SLCO2A1: variants seen among roughly 807,000 people sequenced by gnomAD.
The protein encoded by SLCO2A1 is solute carrier organic anion transporter family member 2A1, also known as matrin F/G 1.
SLCO2A1 carries 60 observed loss-of-function variants against 71.7 expected under a neutral mutation model. The observed-to-expected ratio is 0.84, with a 90% confidence interval of 0.68 to 1.04. The LOEUF is 1.04. SLCO2A1 is among the 50% of genes least tolerant of loss of function. The probability of loss-of-function intolerance (pLI) is 0.00; values close to 1 mark genes in which losing one functional copy is unlikely to be tolerated. For synonymous variants in SLCO2A1, 308 were observed against 326.7 expected (o/e 0.94, Z 0.62); for missense variants, 745 against 813.4 (o/e 0.92, Z 1.02).
Position 133,935,795 on chromosome 3 carries a change from T to TCATAGTAGGCA in SLCO2A1, c.1792_1793insTGCCTACTATG (p.Asp598ValfsTer35), listed in dbSNP as rs750162590. The TCATAGTAGGCA allele has an allele frequency of 6.2e-7, 1 of 1,607,334 alleles. No homozygotes were observed. The highest frequency in any genetic ancestry group is 2.2e-5 in the East Asian group (1 of 44,778). ...TCACCTGTCTCGGAGAGCATCGTTG[T>TCATAGTAGGCA]CATAGTAGGCGCAGGCCCCTCGCCT... On this transcript the variant is annotated frameshift_variant, in exon 13 of 14. Transcript: ENST00000310926. LOFTEE classifies it high-confidence loss of function.
In SLCO2A1 at chr3:133,934,421, T is replaced by A; in HGVS notation, c.*292A>T. 1 of 244,308 alleles carries A rather than the reference T, an allele frequency of 4.1e-6. No individual in the cohort carries two copies. The highest frequency in any genetic ancestry group is 7.9e-6 in the Non-Finnish European group (1 of 126,720). 15.1% of individuals were successfully genotyped at this position (244,308 alleles called of 1,614,324 possible). A position where few individuals can be genotyped will look rare whatever the true frequency, so the allele number is the denominator to read the frequency against. ...GGCCTGGCTGCCTCAGTGGGCATCC[T>A]CAATGGAGGACTCAACACTGAAGTG... is the stretch of plus-strand genomic sequence containing the variant. On this transcript the variant is annotated 3_prime_UTR_variant, in exon 14 of 14. Transcript: ENST00000310926.
chr3:133,950,162 A>G (rs578061809), intron 6 of SLCO2A1, among the ~76,000 whole-genome samples: 2 of 152,148 alleles, frequency 1.3e-5, no homozygotes, highest in Admixed American at 1.3e-4. Context: ...CAGCTGGTTT[A>G]TAAGTAGCAG....
chr3:134,024,342 G>A (rs1371834285), intron 1 of SLCO2A1, among the ~76,000 whole-genome samples: 1 of 152,230 alleles, frequency 6.6e-6, no homozygotes, highest in South Asian at 2.1e-4. Context: ...TCAATTTAAA[G>A]CTTGAAATCA....
chr3:134,007,997 A>G (rs1323164734), intron 1 of SLCO2A1, among the ~76,000 whole-genome samples: 1 of 152,170 alleles, frequency 6.6e-6, no homozygotes. Context: ...TGAACCTGTC[A>G]TGTTGATGGA....
At position 133,945,090 on chromosome 3, in the gene SLCO2A1, C is replaced by G. The variant is rs780746590; in HGVS notation, c.1461+5G>C. On this transcript the variant is annotated splice_donor_5th_base_variant and intron_variant, in intron 10 of 13. Coordinates refer to ENST00000310926, the MANE Select transcript of SLCO2A1 (RefSeq NM_005630.3). ...CTCTTGCCTCTGGACCCTGGCTGCC[C>G]TTACCAGTTGCTTGGAGGTTGCAGA... 1.7e-5 allele frequency: 28 copies of G among 1,610,530 alleles called. 1 individual carries two copies. The highest frequency in any genetic ancestry group is 3.3e-5 in the South Asian group (3 of 90,288).
chr3:133,991,933 A>G (rs553187380), intron 1 of SLCO2A1, among the ~76,000 whole-genome samples: 1 of 152,382 alleles, frequency 6.6e-6, no homozygotes, highest in African/African-American at 2.4e-5. Flanking sequence ...GAGGACTGGC[A>G]CATCTGTCCT....
At position 133,942,681 on chromosome 3, in the gene SLCO2A1, G is replaced by A; in HGVS notation, c.1549C>T (p.Pro517Ser). 1 of 1,613,958 alleles carries A rather than the reference G, an allele frequency of 6.2e-7. No individual in the cohort carries two copies. The highest frequency in any genetic ancestry group is 1.1e-5 in the South Asian group (1 of 91,024). ...CPVPCAHFLL[P>S]AIFLISFVSL... is the part of the protein sequence containing the mutation. Reference sequence around the variant, plus strand: ...ACGAAGGAGATGAGGAAGATGGCCGGGAGCAGGAAGTGGGCACAGGGGACA... The same window carrying A: ...ACGAAGGAGATGAGGAAGATGGCCGAGAGCAGGAAGTGGGCACAGGGGACA... Residue 517 changes from proline to serine, a missense_variant, in exon 11 of 14, where the codon CCG becomes TCG. Pro to Ser is a moderately conservative substitution (Grantham distance 74, BLOSUM62 -1). Coordinates refer to ENST00000310926, the MANE Select transcript of SLCO2A1 (RefSeq NM_005630.3).
chr3:133,962,024 G>A (rs948828837), intron 3 of SLCO2A1, among the ~76,000 whole-genome samples: 6 of 152,180 alleles, frequency 3.9e-5, no homozygotes, highest in African/African-American at 9.7e-5. Context: ...GGCAGTGGGC[G>A]GCCCTGGCTA....
chr3:133,993,797 A>G (rs62272004), intron 1 of SLCO2A1, among the ~76,000 whole-genome samples: 10,347 of 152,294 alleles, frequency 0.068, 411 homozygotes, highest in East Asian at 0.18. Flanking sequence ...TTCAAACATC[A>G]ATATGGAAAC....
intron 3 of SLCO2A1, among the ~76,000 whole-genome samples, chr3:133,969,227 C>T (rs975879122): frequency 2.0e-5 from 3 of 152,094 alleles, no homozygotes; most frequent in Non-Finnish European, 2.9e-5. Flanking sequence ...GTCAGGAGTT[C>T]GAGATCAACC....
intron 1 of SLCO2A1, among the ~76,000 whole-genome samples, chr3:134,026,585 G>A (rs745819072): frequency 1.1e-4 from 16 of 152,096 alleles, no homozygotes; most frequent in Admixed American, 7.9e-4. Context: ...GGCACAAGAC[G>A]GCTTGTGAGG....
intron 1 of SLCO2A1, among the ~76,000 whole-genome samples, chr3:133,980,554 C>T (rs990522343): frequency 3.0e-4 from 46 of 152,224 alleles, no homozygotes; most frequent in African/African-American, 5.1e-4. Flanking sequence ...TCCTGGAAGG[C>T]GCCCCTCTGG....
intron 1 of SLCO2A1, among the ~76,000 whole-genome samples, chr3:134,010,775 C>A (rs1291907845): frequency 7.1e-6 from 1 of 140,238 alleles, no homozygotes; most frequent in Non-Finnish European, 1.5e-5. Context: ...AAAAAAAGCA[C>A]CAGATCTCCT....
intron 1 of SLCO2A1, among the ~76,000 whole-genome samples, chr3:134,017,277 T>C (rs888123423): frequency 1.3e-5 from 2 of 152,242 alleles, no homozygotes; most frequent in Admixed American, 6.5e-5. Flanking sequence ...ACACAGGACC[T>C]GTAAGCACTA....
At chr3:133,937,912 ACTG>A (rs1237807579) in intron 12 of SLCO2A1, among the ~76,000 whole-genome samples, 1 of 152,204 alleles carries the variant, frequency 6.6e-6, no homozygotes, top group Non-Finnish European at 1.5e-5. Context: ...CCCCTGGGGC[ACTG>A]CTGATCACTT....
rs538155253 is a variant in SLCO2A1, at chr3:133,954,405, G to A, written c.625+561C>T. ...TCGAACTCCCGGCCTCAGGTGATCC[G>A]CCTGCCTTGGCCTCCCAAAGTGCTG... is the stretch of plus-strand genomic sequence containing the variant. On this transcript the variant is annotated intron_variant, in intron 4 of 13. Transcript: ENST00000310926. Among the ~76,000 whole-genome samples the A allele has an allele frequency of 8.2e-4, 124 of 152,128 alleles. 1 individual carries two copies. The highest frequency in any genetic ancestry group is 1.5e-3 in the Non-Finnish European group (102 of 67,966).
intron 11 of SLCO2A1, among the ~76,000 whole-genome samples, chr3:133,939,779 T>C (rs1295056890): frequency 6.6e-6 from 1 of 152,142 alleles, no homozygotes; most frequent in Non-Finnish European, 1.5e-5. Context: ...CCAATTTGGC[T>C]TTTGATTGAG....
intron 1 of SLCO2A1, among the ~76,000 whole-genome samples, chr3:133,997,119 G>A (rs1934983353): frequency 6.6e-6 from 1 of 152,080 alleles, no homozygotes; most frequent in Non-Finnish European, 1.5e-5. Flanking sequence ...TCCTGGATAT[G>A]TCCATCCTCA....
intron 1 of SLCO2A1, among the ~76,000 whole-genome samples, chr3:134,007,634 C>A (rs1935247430): frequency 6.6e-6 from 1 of 152,130 alleles, no homozygotes; most frequent in Non-Finnish European, 1.5e-5. Context: ...CCCCTGCTGA[C>A]CCTGGAGTAG....
Sources: allele counts gnomAD v4.1 joint callset (sites outside exome capture counted in the v4.1 genomes callset), GRCh38; gene constraint gnomAD v4.1.1; transcripts MANE v1.5; gene names NCBI Gene and HGNC (gene_info 2026-07-23, HGNC 2026-07-21).